Variants in PLCZ1 observed in about 807,000 individuals in gnomAD.
The protein encoded by PLCZ1 is 1-phosphatidylinositol 4,5-bisphosphate phosphodiesterase zeta-1.
PLCZ1 carries 64 observed loss-of-function variants against 76.8 expected under a neutral mutation model. The observed-to-expected ratio is 0.83, with a 90% confidence interval of 0.68 to 1.03. The LOEUF is 1.03. PLCZ1 is among the 50% of genes least tolerant of loss of function. The probability of loss-of-function intolerance (pLI) is 0.00; values close to 1 mark genes in which losing one functional copy is unlikely to be tolerated. For missense variants in PLCZ1, 751 were observed against 713.7 expected (o/e 1.05, Z -0.60); for synonymous variants, 248 against 230.8 (o/e 1.07, Z -0.68).
chr12:18,729,934 C>A (rs1270540602), intron 3 of PLCZ1, among the ~76,000 whole-genome samples: 2 of 152,060 alleles, frequency 1.3e-5, no homozygotes, highest in Non-Finnish European at 2.9e-5. Context: ...AAATGTAATT[C>A]AATTGTGTAT....
Position 18,701,815 on chromosome 12 carries a change from A to C in PLCZ1, c.865-39T>G, listed in dbSNP as rs750168955. 6.4e-6 allele frequency: 10 copies of C among 1,566,286 alleles called. 1 individual carries two copies. The South Asian group carries it at 9.3e-5, about 15-fold the overall frequency. On this transcript the variant is annotated intron_variant, in intron 7 of 14. Transcript: ENST00000266505. The stretch of plus-strand genomic sequence containing the variant: ...TTGAGAGATACAATTACACATTTAC[A>C]AGTAAATTTGCATTGTAACAGTCAC...
chr12:18,660,945 G>C, the PLCZ1 span, among the ~76,000 whole-genome samples: 1 of 151,936 alleles, frequency 6.6e-6, no homozygotes, highest in East Asian at 1.9e-4. Flanking sequence ...AAAATAAAAA[G>C]ATCAATAAAA....
intron 3 of PLCZ1, among the ~76,000 whole-genome samples, chr12:18,725,363 G>A (rs1391227825): frequency 1.3e-5 from 2 of 152,182 alleles, no homozygotes; most frequent in East Asian, 1.9e-4. Flanking sequence ...GACTGCCAAC[G>A]TGCTAGACTC....
intron 8 of PLCZ1, 23 bp from the exon 9 acceptor site, chr12:18,701,591 T>C (rs758947817): frequency 1.4e-5 from 23 of 1,611,428 alleles, no homozygotes; most frequent in Non-Finnish European, 2.0e-5. Flanking sequence ...CCAATACTTC[T>C]GATTCTTTGA....
At chr12:18,673,798 C>A in the PLCZ1 span, among the ~76,000 whole-genome samples, 3 of 152,318 alleles carry the variant, frequency 2.0e-5, no homozygotes, top group Admixed American at 2.0e-4. Flanking sequence ...TTCAGCTCCT[C>A]ACAAACTGTT....
At chr12:18,711,314 C>T (rs899181993) in intron 6 of PLCZ1, among the ~76,000 whole-genome samples, 21 of 135,994 alleles carry the variant, frequency 1.5e-4, no homozygotes, top group South Asian at 1.4e-3. Context: ...TGTTCTCACT[C>T]ATAGGTGGGA....
the PLCZ1 span, among the ~76,000 whole-genome samples, chr12:18,666,675 A>C: frequency 6.6e-6 from 1 of 152,282 alleles, no homozygotes; most frequent in East Asian, 1.9e-4. Context: ...AGACAGAGAA[A>C]TAGAATACTT....
chr12:18,657,886 TTTAAA>T, the PLCZ1 span, among the ~76,000 whole-genome samples: 191 of 152,264 alleles, frequency 1.3e-3, no homozygotes, highest in Non-Finnish European at 2.3e-3. Context: ...CTAGACAGAC[TTTAAA>T]TTAACTATTT....
At chr12:18,682,119 G>A (rs1414614342), downstream of PLCZ1, among the ~76,000 whole-genome samples, 2 of 152,006 alleles carry the variant, frequency 1.3e-5, no homozygotes, top group Non-Finnish European at 1.5e-5. Context: ...CAGCCCTTGA[G>A]GTGGAAACTG....
At chr12:18,654,133 A>T in the PLCZ1 span, among the ~76,000 whole-genome samples, 1 of 152,126 alleles carries the variant, frequency 6.6e-6, no homozygotes, top group African/African-American at 2.4e-5. Context: ...CTCAAAACAC[A>T]GACTGGGCAG....
the PLCZ1 span, among the ~76,000 whole-genome samples, chr12:18,676,900 AT>A: frequency 6.6e-6 from 1 of 152,112 alleles, no homozygotes. Context: ...TGCATTCCTC[AT>A]TTTTTAAAAC....
At chr12:18,665,618 C>A in the PLCZ1 span, among the ~76,000 whole-genome samples, 1 of 152,022 alleles carries the variant, frequency 6.6e-6, no homozygotes, top group Non-Finnish European at 1.5e-5. Flanking sequence ...CATAGTGAAA[C>A]CCTGTCTGTA....
At chr12:18,732,785 A>G (rs1959127273) in intron 3 of PLCZ1, among the ~76,000 whole-genome samples, 1 of 152,302 alleles carries the variant, frequency 6.6e-6, no homozygotes, top group African/African-American at 2.4e-5. Context: ...CCATGTTGTC[A>G]CAAATAACAA....
At chr12:18,677,851 G>A in the PLCZ1 span, among the ~76,000 whole-genome samples, 1 of 151,926 alleles carries the variant, frequency 6.6e-6, no homozygotes, top group African/African-American at 2.4e-5. Flanking sequence ...TTTTAAAATT[G>A]TACTTTAATA....
chr12:18,650,343 ATATATGTGTG>A, the PLCZ1 span, among the ~76,000 whole-genome samples: 18 of 131,600 alleles, frequency 1.4e-4, no homozygotes, highest in African/African-American at 5.8e-4. Context: ...ATATATATAT[ATATATGTGTG>A]TGTGTGTGTG....
chr12:18,700,323 A>G (rs1473032109), intron 9 of PLCZ1, among the ~76,000 whole-genome samples: 23 of 151,918 alleles, frequency 1.5e-4, no homozygotes, highest in Admixed American at 1.5e-3. Flanking sequence ...CCATTTCACA[A>G]CCTGGCATCT....
At chr12:18,650,716 A>ATATATATATATATC in the PLCZ1 span, among the ~76,000 whole-genome samples, 2 of 4,732 alleles carry the variant, frequency 4.2e-4, no homozygotes, top group Non-Finnish European at 9.7e-4. Context: ...ATATATCTAT[A>ATATATATATATATC]TATATATATA....
At chr12:18,650,702 GTGTATATATC>G in the PLCZ1 span, among the ~76,000 whole-genome samples, 32 of 27,668 alleles carry the variant, frequency 1.2e-3, no homozygotes, top group East Asian at 3.2e-3. Flanking sequence ...GTGTGTGTGT[GTGTATATATC>G]TATATATATA....
At chr12:18,693,422 T>C in intron 12 of PLCZ1, 1 of 1,604,290 alleles carries the variant, frequency 6.2e-7, no homozygotes, top group South Asian at 1.1e-5. Context: ...AAGAGATGGG[T>C]ATAAAGCCTC....
Sources: gnomAD v4.1 joint callset for allele counts (sites outside exome capture counted in the v4.1 genomes callset) on GRCh38, gnomAD v4.1.1 for gene constraint, MANE v1.5 for transcripts, NCBI Gene and HGNC (gene_info 2026-07-23, HGNC 2026-07-21) for gene names.